The following PCDH15 variants were observed in gnomAD, a reference collection of about 807,000 sequenced individuals.
The protein encoded by PCDH15 is protocadherin-15.
A neutral mutation model predicts 178.5 loss-of-function variants in PCDH15; 129 were observed. That is an observed-to-expected ratio of 0.72 (90% CI 0.63 to 0.84). The LOEUF (loss-of-function observed/expected upper bound fraction) is 0.84, where lower values mean the gene tolerates loss of function less well. Among genes scored for constraint, PCDH15 ranks in the 40% least tolerant of loss-of-function variants. PCDH15 has a pLI of 0.00. For synonymous variants in PCDH15, 800 were observed against 732.0 expected, an observed-to-expected ratio of 1.09 and a Z score of -1.50; for missense variants, 2,230 against 2,099.9, an observed-to-expected ratio of 1.06 and a Z score of -1.21.
chr10:54,553,307 G>A (rs905084433), intron 2 of PCDH15, among the ~76,000 whole-genome samples: 6 of 152,252 alleles, frequency 3.9e-5, no homozygotes, highest in African/African-American at 1.4e-4. Context: ...GCTCTACTGG[G>A]GAAGCCTTGA....
intron 2 of PCDH15, among the ~76,000 whole-genome samples, chr10:54,911,400 G>T (rs964218070): frequency 1.3e-5 from 2 of 152,080 alleles, no homozygotes; most frequent in African/African-American, 2.4e-5. Context: ...GAAAAGTTTA[G>T]ACATGCTTAG....
At chr10:55,514,328 T>TA (rs1840957841) in intron 2 of PCDH15, among the ~76,000 whole-genome samples, 1 of 152,120 alleles carries the variant, frequency 6.6e-6, no homozygotes, top group Non-Finnish European at 1.5e-5. Flanking sequence ...AAGCTACCTT[T>TA]AAGAAACTAC....
chr10:54,508,512 C>T (rs1041092653), intron 3 of PCDH15, among the ~76,000 whole-genome samples: 1 of 152,082 alleles, frequency 6.6e-6, no homozygotes, highest in African/African-American at 2.4e-5. Flanking sequence ...ATAACATAGC[C>T]TACCTTAAAT....
chr10:54,191,577 G>A (rs764765330), intron 11 of PCDH15, among the ~76,000 whole-genome samples: 3 of 152,034 alleles, frequency 2.0e-5, no homozygotes, highest in Non-Finnish European at 4.4e-5. Flanking sequence ...AATTGTGTGA[G>A]CTTAAATTTT....
At chr10:55,266,846 G>A (rs922194918) in intron 1 of PCDH15, among the ~76,000 whole-genome samples, 2 of 152,184 alleles carry the variant, frequency 1.3e-5, no homozygotes, top group African/African-American at 4.8e-5. Context: ...TTGCAATAAG[G>A]CAGAGGATCT....
chr10:53,877,954 G>A (rs1457223919), intron 26 of PCDH15, among the ~76,000 whole-genome samples: 3 of 152,048 alleles, frequency 2.0e-5, no homozygotes, highest in African/African-American at 7.2e-5. Context: ...ACTTGCCAGA[G>A]ATGAATGTTA....
intron 3 of PCDH15, among the ~76,000 whole-genome samples, chr10:54,867,382 T>C (rs959420160): frequency 1.2e-4 from 18 of 152,182 alleles, no homozygotes; most frequent in African/African-American, 3.4e-4. Flanking sequence ...TGGGTAAAAA[T>C]TGTTGCAATA....
intron 32 of PCDH15, chr10:53,823,552 T>C: frequency 1.4e-6 from 1 of 712,024 alleles, no homozygotes. Flanking sequence ...ATCTTAGAGT[T>C]GTGAGAAGAA....
chr10:53,992,462 G>A (rs1175799651), intron 21 of PCDH15, among the ~76,000 whole-genome samples: 1 of 152,046 alleles, frequency 6.6e-6, no homozygotes, highest in Non-Finnish European at 1.5e-5. Flanking sequence ...TAAAATATAA[G>A]GAATGGTACA....
At chr10:55,195,385 G>A (rs1177060119) in intron 1 of PCDH15, among the ~76,000 whole-genome samples, 1 of 150,806 alleles carries the variant, frequency 6.6e-6, no homozygotes. Context: ...ATTCACGCCT[G>A]TAATCCCATC....
chr10:55,184,155 G>C (rs983077829), intron 1 of PCDH15, among the ~76,000 whole-genome samples: 3 of 151,968 alleles, frequency 2.0e-5, no homozygotes, highest in African/African-American at 7.2e-5. Flanking sequence ...TGGCCCTCCA[G>C]CTAGATGTGG....
chr10:55,580,573 G>A (rs542117039), intron 2 of PCDH15, among the ~76,000 whole-genome samples: 13 of 151,262 alleles, frequency 8.6e-5, no homozygotes, highest in Non-Finnish European at 1.8e-4. Context: ...GGCCAGGCTG[G>A]TCTGGTCTCA....
intron 2 of PCDH15, among the ~76,000 whole-genome samples, chr10:55,503,014 A>G (rs1251544157): frequency 6.6e-6 from 1 of 151,542 alleles, no homozygotes; most frequent in African/African-American, 2.4e-5. Flanking sequence ...AACAACATAT[A>G]TTTTCCTAAA....
chr10:55,076,233 T>C (rs1024285897), intron 2 of PCDH15, among the ~76,000 whole-genome samples: 1 of 152,166 alleles, frequency 6.6e-6, no homozygotes, highest in African/African-American at 2.4e-5. Flanking sequence ...GCTCTGTAAA[T>C]GTCTGTTATG....
intron 2 of PCDH15, among the ~76,000 whole-genome samples, chr10:55,429,302 C>T (rs925976868): frequency 4.6e-5 from 7 of 152,002 alleles, no homozygotes; most frequent in African/African-American, 1.4e-4. Context: ...AGGTCTAAAA[C>T]GTCATTGTTC....
chr10:55,010,267 A>G (rs1392869165), intron 2 of PCDH15, among the ~76,000 whole-genome samples: 1 of 152,166 alleles, frequency 6.6e-6, no homozygotes, highest in Non-Finnish European at 1.5e-5. Flanking sequence ...AGATAGACTA[A>G]GGGGCTATTA....
At chr10:54,900,655 T>C (rs1405966478) in intron 2 of PCDH15, among the ~76,000 whole-genome samples, 1 of 152,078 alleles carries the variant, frequency 6.6e-6, no homozygotes, top group African/African-American at 2.4e-5. Context: ...TATATTCCAA[T>C]TTGCTTAAAC....
At chr10:54,699,040 G>A (rs189485954) in intron 1 of PCDH15, among the ~76,000 whole-genome samples, 231 of 152,110 alleles carry the variant, frequency 1.5e-3, no homozygotes, top group African/African-American at 5.1e-3. Flanking sequence ...CCTCCTCTTC[G>A]GAAGAGGAAA....
intron 2 of PCDH15, among the ~76,000 whole-genome samples, chr10:54,587,002 C>T (rs1467972281): frequency 6.6e-6 from 1 of 151,988 alleles, no homozygotes; most frequent in Non-Finnish European, 1.5e-5. Context: ...AAAAGTCTGA[C>T]ATGATTTTAT....
Sources: allele counts gnomAD v4.1 joint callset (sites outside exome capture counted in the v4.1 genomes callset), GRCh38; gene constraint gnomAD v4.1.1; transcripts MANE v1.5; gene names NCBI Gene and HGNC (gene_info 2026-07-23, HGNC 2026-07-21).